BCAS3: variants seen among roughly 807,000 people sequenced by gnomAD.
BCAS3 encodes the protein BCAS3 microtubule associated cell migration factor, also known as BCAS4/BCAS3 fusion.
Under a neutral mutation model 116.1 loss-of-function variants are expected in BCAS3, and 53 were observed. That is an observed-to-expected ratio of 0.46 (90% CI 0.37 to 0.57). The LOEUF (loss-of-function observed/expected upper bound fraction) is 0.57, where lower values mean the gene tolerates loss of function less well. Among genes scored for constraint, BCAS3 ranks in the 20% least tolerant of loss-of-function variants. BCAS3 has a pLI of 0.00. For synonymous variants in BCAS3, 391 were observed against 408.2 expected (o/e 0.96, Z 0.51); for missense variants, 917 against 1,165.4 (o/e 0.79, Z 3.10).
chr17:61,274,585 G>C (rs888399161), intron 22 of BCAS3, among the ~76,000 whole-genome samples: 2 of 151,964 alleles, frequency 1.3e-5, no homozygotes, highest in African/African-American at 4.8e-5. Context: ...CACTGTGCCG[G>C]CCTGAACATG....
At position 61,388,209 on chromosome 17, in the gene BCAS3, A is replaced by G; in HGVS notation, c.2594-3768A>G. 1 of 161,488 alleles carries G rather than the reference A, an allele frequency of 6.2e-6. No individual in the cohort carries two copies. 10.0% of individuals were successfully genotyped at this position (161,488 alleles called of 1,614,324 possible). A position where few individuals can be genotyped will look rare whatever the true frequency, so the allele number is the denominator to read the frequency against. On this transcript the variant is annotated intron_variant, in intron 23 of 23. Transcript: ENST00000407086. The surrounding 1 kb of genome is among the most constrained non-coding windows in gnomAD (Gnocchi z 6.5). ...GCCAGGAGTTGGGCCACTGAGTCAGAAGGTCCAAGGGCATCCCTGAAAACT... is the reference window on the plus strand; with the variant it reads ...GCCAGGAGTTGGGCCACTGAGTCAGGAGGTCCAAGGGCATCCCTGAAAACT...
Position 61,126,957 on chromosome 17 carries a change from G to A in BCAS3, c.2425+42393G>A, listed in dbSNP as rs1389065217. The stretch of plus-strand genomic sequence containing the variant: ...TATTTTTCCAAGCGGGTAGTAGAAC[G>A]CCCAAGGTTATACACCCTTCGTCAC... On this transcript the variant is annotated intron_variant, in intron 22 of 23. Transcript: ENST00000407086. The surrounding 1 kb of genome is among the most constrained non-coding windows in gnomAD (Gnocchi z 4.6). Among the ~76,000 whole-genome samples, 2 of 152,016 alleles carry A rather than the reference G, an allele frequency of 1.3e-5. No individual in the cohort carries two copies. The highest frequency in any genetic ancestry group is 6.6e-5 in the Admixed American group (1 of 15,246).
rs1473321375 is a variant in BCAS3, at chr17:61,217,717, T to C, written c.2425+133153T>C. 6.6e-6 allele frequency among the ~76,000 whole-genome samples: 1 copy of C among 152,240 alleles called. No homozygotes were observed. The highest frequency in any genetic ancestry group is 1.9e-4 in the East Asian group (1 of 5,206). On this transcript the variant is annotated intron_variant, in intron 22 of 23. Coordinates refer to ENST00000407086, the MANE Select transcript of BCAS3 (RefSeq NM_017679.5). The surrounding 1 kb of genome is among the most constrained non-coding windows in gnomAD (Gnocchi z 5.2). ...AGCTTCCTCTGACTAGTTGATTTTC[T>C]TGAGAAACATTATTCTTGATCCCGT...
chr17:61,157,783 A>G (rs966163940), intron 22 of BCAS3, among the ~76,000 whole-genome samples: 29 of 152,264 alleles, frequency 1.9e-4, no homozygotes, highest in African/African-American at 7.0e-4. Flanking sequence ...CCACAAACGG[A>G]CACTGTTTCT....
At chr17:61,086,585 A>C (rs1226360156) in intron 22 of BCAS3, 1 of 623,616 alleles carries the variant, frequency 1.6e-6, no homozygotes. Flanking sequence ...CTTAATTTGC[A>C]TCAGAGATAC....
At position 61,344,021 on chromosome 17, in the gene BCAS3, C is replaced by T. The variant is rs897797379; in HGVS notation, c.2426-24306C>T. 6.6e-6 allele frequency among the ~76,000 whole-genome samples: 1 copy of T among 152,046 alleles called. No homozygotes were observed. The highest frequency in any genetic ancestry group is 1.5e-5 in the Non-Finnish European group (1 of 68,024). On this transcript the variant is annotated intron_variant, in intron 22 of 23. Coordinates refer to ENST00000407086, the MANE Select transcript of BCAS3 (RefSeq NM_017679.5). The surrounding 1 kb of genome is among the most constrained non-coding windows in gnomAD (Gnocchi z 4.1). ...GATGAAATGTGGTTGGCAAGAAGGT[C>T]CTGAGTGTGCTGAGACAGGCAAGAG...
chr17:61,045,112 TA>T (rs1488435822), intron 19 of BCAS3, among the ~76,000 whole-genome samples: 1 of 152,040 alleles, frequency 6.6e-6, no homozygotes, highest in Non-Finnish European at 1.5e-5. Flanking sequence ...GCATTATTAT[TA>T]TAAGCTTTTG....
chr17:60,690,835 G>T (rs1166386176), intron 4 of BCAS3, among the ~76,000 whole-genome samples: 1 of 151,590 alleles, frequency 6.6e-6, no homozygotes, highest in East Asian at 2.0e-4. Flanking sequence ...CAGGAGAATC[G>T]CTTGAACCCA....
intron 22 of BCAS3, among the ~76,000 whole-genome samples, chr17:61,252,648 C>T (rs964875825): frequency 5.3e-5 from 8 of 151,896 alleles, no homozygotes; most frequent in Non-Finnish European, 1.0e-4. Context: ...CATGGTTCCT[C>T]ATGTAGAGTG....
chr17:60,836,230 C>T (rs1188312250), intron 7 of BCAS3, among the ~76,000 whole-genome samples: 2 of 152,114 alleles, frequency 1.3e-5, no homozygotes, highest in South Asian at 2.1e-4. Context: ...TTAAGGCTCA[C>T]TCTTGGTGTT....
At position 61,362,996 on chromosome 17, in the gene BCAS3, A is replaced by G. The variant is rs2058532533; in HGVS notation, c.2426-5331A>G. 6.6e-6 allele frequency among the ~76,000 whole-genome samples: 1 copy of G among 152,232 alleles called. No homozygotes were observed. Among genetic ancestry groups the G allele is most frequent in the Admixed American group, 6.5e-5 (1 of 15,290 alleles). ...TGACTGTCAAATTTCATAAGTAGTC[A>G]ATAAACGAACCTGTTTTGAGCAAGC... On this transcript the variant is annotated intron_variant, in intron 22 of 23. Transcript: ENST00000407086. This position sits in a 1 kb window ranked among gnomAD's most constrained non-coding sequence, Gnocchi z 4.4.
chr17:60,852,200 G>A (rs2053234353), intron 7 of BCAS3, among the ~76,000 whole-genome samples: 1 of 151,682 alleles, frequency 6.6e-6, no homozygotes, highest in Non-Finnish European at 1.5e-5. Context: ...AGTTACATAT[G>A]TATACATGTG....
rs545258729 is a variant in BCAS3, at chr17:61,161,670, C to T, written c.2425+77106C>T. Among the ~76,000 whole-genome samples, 30 of 152,214 alleles carry T rather than the reference C, an allele frequency of 2.0e-4. No homozygotes were observed. In the South Asian group the frequency reaches 2.5e-3, roughly 13 times the overall value. The stretch of plus-strand genomic sequence containing the variant: ...AGGCCATCTGGAAAGGTGATGTCAA[C>T]GGAGGGTAGGGTGGTTGCTGGTGGA... On this transcript the variant is annotated intron_variant, in intron 22 of 23. Transcript: ENST00000407086. This position sits in a 1 kb window ranked among gnomAD's most constrained non-coding sequence, Gnocchi z 4.8.
rs1370711631 is a variant in BCAS3, at chr17:61,377,277, C to T, written c.2593+8783C>T. On this transcript the variant is annotated intron_variant, in intron 23 of 23. Coordinates refer to ENST00000407086, the MANE Select transcript of BCAS3 (RefSeq NM_017679.5). This position sits in a 1 kb window ranked among gnomAD's most constrained non-coding sequence, Gnocchi z 4.6. ...AGAGCCCAGTCCCACCAGCAGGTCA[C>T]AAGCATCCCTACTCGGGACAAGAGG... is the stretch of plus-strand genomic sequence containing the variant. Among the ~76,000 whole-genome samples the T allele has an allele frequency of 2.0e-5, 3 of 152,220 alleles. No homozygotes were observed. The highest frequency in any genetic ancestry group is 7.2e-5 in the African/African-American group (3 of 41,458).
rs1487873123 is a variant in BCAS3, at chr17:61,038,045, C to A, written c.1919C>A (p.Thr640Asn). 2 of 1,613,742 alleles carry A rather than the reference C, an allele frequency of 1.2e-6. No individual in the cohort carries two copies. Among genetic ancestry groups the A allele is most frequent in the Admixed American group, 1.7e-5 (1 of 59,968 alleles). The change falls in exon 18 of 24, where the codon ACT becomes AAT. Residue 640 changes from threonine (T) to asparagine (N), a missense_variant. By Grantham distance (65) the Thr-to-Asn change is moderately conservative. Coordinates refer to ENST00000407086, the MANE Select transcript of BCAS3 (RefSeq NM_017679.5). ...ATGACATCGCCTCGAGCCAGCTGGA[C>A]TCTGGTTAGGTAGTACCTCTTTTCT... ...EMMTSPRASWTLVRTPQWNEL... is the reference protein window; with the variant it reads ...EMMTSPRASWNLVRTPQWNEL...
chr17:61,289,965 A>G (rs2052226885), intron 22 of BCAS3, among the ~76,000 whole-genome samples: 1 of 152,176 alleles, frequency 6.6e-6, no homozygotes, highest in Admixed American at 6.5e-5. Flanking sequence ...AGTGTGAGCA[A>G]AGCAACTGGG....
rs1226160980 is a variant in BCAS3, at chr17:61,239,026, C to T, written c.2426-129301C>T. ...GTACCTAAGATTTTTTTAATTTGTT[C>T]GTGTATATTTTTAGCAATAGAAGCA... On this transcript the variant is annotated intron_variant, in intron 22 of 23. Coordinates refer to ENST00000407086, the MANE Select transcript of BCAS3 (RefSeq NM_017679.5). The surrounding 1 kb of genome is among the most constrained non-coding windows in gnomAD (Gnocchi z 4.2). 1.3e-5 allele frequency among the ~76,000 whole-genome samples: 2 copies of T among 151,954 alleles called. No homozygotes were observed. The highest frequency in any genetic ancestry group is 1.9e-4 in the East Asian group (1 of 5,194).
intron 6 of BCAS3, among the ~76,000 whole-genome samples, chr17:60,772,736 T>C (rs1370616599): frequency 6.6e-6 from 1 of 152,024 alleles, no homozygotes; most frequent in Non-Finnish European, 1.5e-5. Flanking sequence ...AAAAATTAAC[T>C]GGGTGTGGTG....
At position 61,213,991 on chromosome 17, in the gene BCAS3, T is replaced by C. The variant is rs951616120; in HGVS notation, c.2425+129427T>C. Among the ~76,000 whole-genome samples the C allele has an allele frequency of 1.3e-5, 2 of 151,898 alleles. No individual in the cohort carries two copies. The highest frequency in any genetic ancestry group is 4.8e-5 in the African/African-American group (2 of 41,354). On this transcript the variant is annotated intron_variant, in intron 22 of 23. Coordinates refer to ENST00000407086, the MANE Select transcript of BCAS3 (RefSeq NM_017679.5). This position sits in a 1 kb window ranked among gnomAD's most constrained non-coding sequence, Gnocchi z 5.4. Reference sequence around the variant, plus strand: ...CTCCCAAAGTGAAAGACAAGAAAAATGGGGGCTTCACTGCACAGTAGGCTG... The same window carrying C: ...CTCCCAAAGTGAAAGACAAGAAAAACGGGGGCTTCACTGCACAGTAGGCTG...
Sources: gnomAD v4.1 joint callset for allele counts (sites outside exome capture counted in the v4.1 genomes callset) on GRCh38, gnomAD v4.1.1 for gene constraint, Gnocchi (gnomAD v3.1) non-coding constraint, MANE v1.5 for transcripts, NCBI Gene and HGNC (gene_info 2026-07-23, HGNC 2026-07-21) for gene names.